CAMSAP2: variants seen among roughly 807,000 people sequenced by gnomAD.
The protein encoded by CAMSAP2 is calmodulin-regulated spectrin-associated protein 2.
Under a neutral mutation model 146.1 loss-of-function variants are expected in CAMSAP2, and 26 were observed. The observed-to-expected ratio is 0.18, with a 90% confidence interval of 0.13 to 0.25. The LOEUF (loss-of-function observed/expected upper bound fraction) is 0.25. Ranked by LOEUF, CAMSAP2 falls within the 10% of genes least tolerant of loss-of-function variation. The probability of loss-of-function intolerance (pLI) is 1.00; values close to 1 mark genes in which losing one functional copy is unlikely to be tolerated. For synonymous variants in CAMSAP2, 499 were observed against 596.6 expected (o/e 0.84, Z 2.38); for missense variants, 1,381 against 1,759.3 (o/e 0.78, Z 3.85).
intron 4 of CAMSAP2, among the ~76,000 whole-genome samples, chr1:200,817,907 GATT>G (rs1396693243): frequency 6.6e-6 from 1 of 152,156 alleles, no homozygotes; most frequent in Admixed American, 6.5e-5. Flanking sequence ...CATCACCCCA[GATT>G]ATGTTTCATT....
intron 4 of CAMSAP2, among the ~76,000 whole-genome samples, chr1:200,830,882 C>T (rs1343326781): frequency 6.6e-6 from 1 of 152,088 alleles, no homozygotes; most frequent in African/African-American, 2.4e-5. Context: ...GAATTTTGTC[C>T]TTGGGTAGCC....
At chr1:200,804,324 C>A (rs1477192241) in intron 2 of CAMSAP2, among the ~76,000 whole-genome samples, 1 of 151,756 alleles carries the variant, frequency 6.6e-6, no homozygotes, top group Non-Finnish European at 1.5e-5. Context: ...TCTGTTTTTT[C>A]CACTCAATTT....
rs559214360 is a variant in CAMSAP2 at position 200,846,395 on chromosome 1, A to G, written c.1110-815A>G. On this transcript the variant is annotated intron_variant, in intron 8 of 16. Transcript: ENST00000358823. ...ACATTTCTGAAAAATGTTTTAATTCATGTCCTCTGGAAAACTCATCTCTTT... is the reference window on the plus strand; with the variant it reads ...ACATTTCTGAAAAATGTTTTAATTCGTGTCCTCTGGAAAACTCATCTCTTT... Among the ~76,000 whole-genome samples, 6 of 152,290 alleles carry G rather than the reference A, an allele frequency of 3.9e-5. No individual in the cohort carries two copies. In the East Asian group the frequency reaches 1.2e-3, roughly 29 times the overall value.
intron 1 of CAMSAP2, among the ~76,000 whole-genome samples, chr1:200,754,323 C>T (rs1664587931): frequency 6.6e-6 from 1 of 152,010 alleles, no homozygotes. Context: ...ATGTTTGTTC[C>T]AGTATAGGTG....
intron 10 of CAMSAP2, 58 bp downstream of exon 10, chr1:200,847,767 C>A: frequency 7.3e-7 from 1 of 1,373,224 alleles, no homozygotes; most frequent in Non-Finnish European, 1.0e-6. Flanking sequence ...CAAATTGCAT[C>A]TGTGTCTCTC....
chr1:200,856,139 C>T lies in CAMSAP2; in HGVS notation c.4012+14C>T. On this transcript the variant is annotated intron_variant, in intron 15 of 16. Transcript: ENST00000358823. ...CAGAATATACAGGTTAGTGTCTATA[C>T]ATTTTTAGAGAAACATTTGAATTTA... The T allele has an allele frequency of 5.2e-6, 8 of 1,537,332 alleles. No homozygotes were observed. The highest frequency in any genetic ancestry group is 6.3e-6 in the Non-Finnish European group (7 of 1,117,242).
chr1:200,774,615 CAT>C (rs1167661099), intron 2 of CAMSAP2, among the ~76,000 whole-genome samples: 2 of 152,122 alleles, frequency 1.3e-5, no homozygotes, highest in African/African-American at 2.4e-5. Flanking sequence ...CTGAAGGAAT[CAT>C]GTGTTATTAT....
rs144201140 is a variant in CAMSAP2 at position 200,770,023 on chromosome 1, T to C, written c.399+8925T>C. The stretch of plus-strand genomic sequence containing the variant: ...GAAGTTATGAACCAGGAACTGTAGA[T>C]GGAAAGCAATATATATCATAACACC... On this transcript the variant is annotated intron_variant, in intron 2 of 16. Coordinates refer to ENST00000358823, the MANE Select transcript of CAMSAP2 (RefSeq NM_203459.4). 4.5e-3 allele frequency among the ~76,000 whole-genome samples: 682 copies of C among 152,246 alleles called. 6 individuals carry two copies. Among genetic ancestry groups the C allele is most frequent in the African/African-American group, 0.016 (647 of 41,548 alleles).
rs116096192 is a variant in CAMSAP2, at chr1:200,833,990, A to C, written c.927+1145A>C. The stretch of plus-strand genomic sequence containing the variant: ...GTATGCTGTCAGATTGTGTTAAAAT[A>C]ATAAAATTTCACATGGGTAGTATTA... On this transcript the variant is annotated intron_variant, in intron 6 of 16. Coordinates refer to ENST00000358823, the MANE Select transcript of CAMSAP2 (RefSeq NM_203459.4). 1.9e-3 allele frequency among the ~76,000 whole-genome samples: 296 copies of C among 152,316 alleles called. 1 individual carries two copies. Among genetic ancestry groups the C allele is most frequent in the African/African-American group, 6.9e-3 (288 of 41,576 alleles).
intron 12 of CAMSAP2, 68 bp downstream of exon 12, chr1:200,852,745 T>G (rs890640768): frequency 2.0e-6 from 3 of 1,508,452 alleles, no homozygotes; most frequent in Admixed American, 2.3e-5. Flanking sequence ...TTAGAAAAAG[T>G]TGGTAAGTAC....
chr1:200,786,950 G>A (rs1293794802), intron 2 of CAMSAP2, among the ~76,000 whole-genome samples: 2 of 150,620 alleles, frequency 1.3e-5, no homozygotes, highest in Non-Finnish European at 3.0e-5. Context: ...ACAAAGCCTG[G>A]ATGACAGCAC....
At chr1:200,786,882 C>T (rs1665608015) in intron 2 of CAMSAP2, among the ~76,000 whole-genome samples, 1 of 152,094 alleles carries the variant, frequency 6.6e-6, no homozygotes, top group South Asian at 2.1e-4. Flanking sequence ...TTCTGAAAAT[C>T]CTAGGGCACT....
chr1:200,812,081 C>A lies in CAMSAP2; in HGVS notation c.562-3480C>A, dbSNP rs181125331. Among the ~76,000 whole-genome samples the A allele has an allele frequency of 2.7e-4, 41 of 152,280 alleles. No individual in the cohort carries two copies. In the East Asian group the frequency reaches 6.9e-3, roughly 26 times the overall value. On this transcript the variant is annotated intron_variant, in intron 3 of 16. Transcript: ENST00000358823. ...TTGTTTTCTATACCCTAACACTCTACTTTTTTTCTTTCATAGCACTTTTCA... is the reference window on the plus strand; with the variant it reads ...TTGTTTTCTATACCCTAACACTCTAATTTTTTTCTTTCATAGCACTTTTCA...
chr1:200,767,319 G>A lies in CAMSAP2; in HGVS notation c.399+6221G>A, dbSNP rs1299260771. 6.7e-5 allele frequency among the ~76,000 whole-genome samples: 10 copies of A among 148,858 alleles called. No homozygotes were observed. In the East Asian group the frequency reaches 1.2e-3, roughly 18 times the overall value. Reference sequence around the variant, plus strand: ...AGAGGTTGCAGTGAGCTGAGATTGCGCCACTGCACTCCAGCCTGGGCAACA... The same window carrying A: ...AGAGGTTGCAGTGAGCTGAGATTGCACCACTGCACTCCAGCCTGGGCAACA... On this transcript the variant is annotated intron_variant, in intron 2 of 16. Coordinates refer to ENST00000358823, the MANE Select transcript of CAMSAP2 (RefSeq NM_203459.4).
At chr1:200,760,304 G>C (rs1664765538) in intron 1 of CAMSAP2, among the ~76,000 whole-genome samples, 1 of 152,192 alleles carries the variant, frequency 6.6e-6, no homozygotes, top group Non-Finnish European at 1.5e-5. Flanking sequence ...GTGTCAGCAA[G>C]CTAAGCATGA....
chr1:200,816,751 T>C (rs1406064672), intron 4 of CAMSAP2, among the ~76,000 whole-genome samples: 1 of 120,200 alleles, frequency 8.3e-6, no homozygotes, highest in Non-Finnish European at 1.8e-5. Flanking sequence ...CACACGCGTG[T>C]ATATATGTGT....
In CAMSAP2 at chr1:200,760,989, T is replaced by G; in HGVS notation, c.290T>G (p.Leu97Arg). The G allele has an allele frequency of 6.2e-7, 1 of 1,614,106 alleles. No homozygotes were observed. Among genetic ancestry groups the G allele is most frequent in the South Asian group, 1.1e-5 (1 of 91,086 alleles). The change falls in exon 2 of 17, where the codon CTT becomes CGT. Residue 97 changes from leucine (L) to arginine (R), a missense_variant. Leu to Arg is a moderately radical substitution (Grantham distance 102). Around this residue, in one of 4 missense-constraint regions of CAMSAP2, gnomAD observed 284 missense variants for 406.9 expected, o/e 0.70. Transcript: ENST00000358823. ...CTCAAGAGTGATGCTGCAAAACCCC[T>G]TTTGGGCCATGATGCTGTAATCCAG... ...LILKSDAAKP[L>R]LGHDAVIQAL...
intron 12 of CAMSAP2, 111 bp downstream of exon 12, chr1:200,852,788 A>G (rs1667654250): frequency 8.5e-7 from 1 of 1,172,850 alleles, no homozygotes; most frequent in Non-Finnish European, 1.2e-6. Context: ...ATTTTTATTA[A>G]CAGATTTCTT....
At chr1:200,836,735 G>A (rs1667194505) in intron 6 of CAMSAP2, among the ~76,000 whole-genome samples, 2 of 152,014 alleles carry the variant, frequency 1.3e-5, no homozygotes, top group Non-Finnish European at 2.9e-5. Flanking sequence ...CTTTTTCTCT[G>A]CAACTTTGTC....
Sources: allele counts gnomAD v4.1 joint callset (sites outside exome capture counted in the v4.1 genomes callset), GRCh38; gene constraint gnomAD v4.1.1; regional missense constraint gnomAD v4.1.1; transcripts MANE v1.5; gene names NCBI Gene and HGNC (gene_info 2026-07-23, HGNC 2026-07-21).